The following MYO16 variants were observed in gnomAD, a reference collection of about 807,000 sequenced individuals.
The protein encoded by MYO16 is myosin XVI, also known as unconventional myosin-XVI.
MYO16 carries 94 observed loss-of-function variants against 205.3 expected under a neutral mutation model. That is an observed-to-expected ratio of 0.46 (90% CI 0.39 to 0.54). The LOEUF is 0.54. MYO16 is among the 20% of genes least tolerant of loss of function. MYO16 has a pLI of 0.00. For missense variants in MYO16, 2,315 were observed against 2,387.5 expected (o/e 0.97, Z 0.63); for synonymous variants, 988 against 954.0 (o/e 1.04, Z -0.66).
At chr13:108,594,495 T>C (rs1157946143), upstream of MYO16, among the ~76,000 whole-genome samples, 1 of 152,218 alleles carries the variant, frequency 6.6e-6, no homozygotes, top group East Asian at 1.9e-4. Flanking sequence ...CAGCTGGTTA[T>C]TCTAGCTCTT....
Position 108,700,348 on chromosome 13 carries a change from A to AAAAG in MYO16, c.293-12311_293-12310insAGAA, listed in dbSNP as rs1555339811. On this transcript the variant is annotated intron_variant, in intron 2 of 34. Coordinates refer to ENST00000457511, the MANE Select transcript of MYO16 (RefSeq NM_001198950.3). The stretch of plus-strand genomic sequence containing the variant: ...ACTCTGTCTCAAAAAAAAAAAAAAA[A>AAAAG]AAGAAGAAGAAGAAGAAGAAGAAGG... Among the ~76,000 whole-genome samples the AAAAG allele has an allele frequency of 2.5e-4, 32 of 129,562 alleles. No individual in the cohort carries two copies. In the East Asian group the frequency reaches 4.2e-3, roughly 17 times the overall value. The allele number at this position is 129,562 out of a possible 152,430, so 85.0% of individuals were successfully genotyped here. A position where few individuals can be genotyped will look rare whatever the true frequency, so the allele number is the denominator to read the frequency against.
intron 1 of MYO16, among the ~76,000 whole-genome samples, chr13:108,650,605 A>G (rs942672301): frequency 6.6e-6 from 1 of 152,212 alleles, no homozygotes; most frequent in Non-Finnish European, 1.5e-5. Flanking sequence ...TAGAGCATCT[A>G]AATTTATTTT....
At position 108,629,807 on chromosome 13, in the gene MYO16, C is replaced by A; in HGVS notation, c.-38C>A. On this transcript the variant is annotated 5_prime_UTR_variant, in exon 1 of 35. The change creates a new upstream start codon in the 5' untranslated region. Coordinates refer to ENST00000457511, the MANE Select transcript of MYO16 (RefSeq NM_001198950.3). ...ACGACAGTTGTGACAGAAGAGAATGCTGGAACCCGTAGCAAGATTCCTGTC... is the reference window on the plus strand; with the variant it reads ...ACGACAGTTGTGACAGAAGAGAATGATGGAACCCGTAGCAAGATTCCTGTC... 6.6e-7 allele frequency: 1 copy of A among 1,520,168 alleles called. No homozygotes were observed. 94.2% of individuals were successfully genotyped at this position (1,520,168 alleles called of 1,614,324 possible).
intron 16 of MYO16, among the ~76,000 whole-genome samples, chr13:108,943,409 T>G (rs1046453162): frequency 6.6e-6 from 1 of 152,216 alleles, no homozygotes; most frequent in Admixed American, 6.5e-5. Flanking sequence ...AAGGGTGATA[T>G]CATCAACATT....
rs553956257 is a variant in MYO16, at chr13:108,909,292, A to G, written c.1778-711A>G. Among the ~76,000 whole-genome samples the G allele has an allele frequency of 1.6e-4, 23 of 145,090 alleles. 1 individual carries two copies. The South Asian group carries it at 5.2e-3, about 33-fold the overall frequency. Reference sequence around the variant, plus strand: ...TGGGTTATATTTTATTTTATTTTGTAAAGTTTTGAAAACAGAGGACTAAAT... The same window carrying G: ...TGGGTTATATTTTATTTTATTTTGTGAAGTTTTGAAAACAGAGGACTAAAT... On this transcript the variant is annotated intron_variant, in intron 15 of 34. Transcript: ENST00000457511.
chr13:108,621,481 A>G (rs1879539338), intron 1 of MYO16, among the ~76,000 whole-genome samples: 1 of 152,210 alleles, frequency 6.6e-6, no homozygotes, highest in African/African-American at 2.4e-5. Context: ...TGTTCCATGC[A>G]TGGAGTAACA....
chr13:109,044,533 TACTC>T (rs1431548107), intron 23 of MYO16, among the ~76,000 whole-genome samples: 1 of 152,220 alleles, frequency 6.6e-6, no homozygotes, highest in Non-Finnish European at 1.5e-5. Context: ...GAATCACTGA[TACTC>T]ACAGAATTTG....
intron 16 of MYO16, among the ~76,000 whole-genome samples, chr13:108,938,721 A>G (rs1010625122): frequency 6.6e-6 from 1 of 152,374 alleles, no homozygotes; most frequent in African/African-American, 2.4e-5. Flanking sequence ...CAGCCTAGGC[A>G]TGGAGCAGAG....
intron 27 of MYO16, among the ~76,000 whole-genome samples, chr13:109,063,326 C>T (rs148823778): frequency 0.014 from 2,173 of 152,100 alleles, 47 homozygotes; most frequent in African/African-American, 0.049. Flanking sequence ...AGCTTCAGAG[C>T]GGGATTATAA....
intron 2 of MYO16, among the ~76,000 whole-genome samples, chr13:108,710,444 G>C (rs934960087): frequency 2.0e-5 from 3 of 152,168 alleles, no homozygotes. Context: ...TAACCAGAAA[G>C]TTTGGAAAAC....
At chr13:108,599,925 G>T (rs898316221) in intron 1 of MYO16, among the ~76,000 whole-genome samples, 2 of 152,152 alleles carry the variant, frequency 1.3e-5, no homozygotes, top group African/African-American at 4.8e-5. Context: ...GAGCATAGCA[G>T]ATTTTATGTA....
At chr13:108,607,269 G>T (rs1388340952) in intron 1 of MYO16, among the ~76,000 whole-genome samples, 1 of 152,068 alleles carries the variant, frequency 6.6e-6, no homozygotes, top group East Asian at 1.9e-4. Context: ...TATGAGATTT[G>T]GGAGGAGCCA....
intron 28 of MYO16, among the ~76,000 whole-genome samples, chr13:109,111,813 A>T (rs1339944367): frequency 6.6e-6 from 1 of 151,952 alleles, no homozygotes; most frequent in East Asian, 1.9e-4. Context: ...CAGCCTCCCA[A>T]GTAGCTGGGA....
At chr13:108,990,427 T>A (rs1225945246) in intron 20 of MYO16, among the ~76,000 whole-genome samples, 1 of 152,224 alleles carries the variant, frequency 6.6e-6, no homozygotes, top group South Asian at 2.1e-4. Flanking sequence ...GTTTTATTTA[T>A]ATTACTTATC....
At chr13:108,752,884 C>A (rs1233911040) in intron 4 of MYO16, among the ~76,000 whole-genome samples, 3 of 133,234 alleles carry the variant, frequency 2.3e-5, no homozygotes, top group African/African-American at 8.2e-5. Context: ...TCAGGCTGGT[C>A]TCGAACTCCT....
intron 3 of MYO16, among the ~76,000 whole-genome samples, chr13:108,725,502 T>G (rs1762234520): frequency 6.6e-6 from 1 of 152,196 alleles, no homozygotes; most frequent in Admixed American, 6.5e-5. Context: ...GAACAGCATT[T>G]AGTTTAGGAC....
the MYO16 span, among the ~76,000 whole-genome samples, chr13:108,496,803 A>T: frequency 6.6e-6 from 1 of 152,174 alleles, no homozygotes; most frequent in Non-Finnish European, 1.5e-5. Context: ...CAGAAGAATT[A>T]TTAGCCATTG....
chr13:108,534,645 G>A, the MYO16 span, among the ~76,000 whole-genome samples: 1 of 151,818 alleles, frequency 6.6e-6, no homozygotes, highest in Non-Finnish European at 1.5e-5. Context: ...CCTCAAAGAG[G>A]AATCTCTGCT....
rs760702774 is a variant in MYO16 at position 108,823,176 on chromosome 13, C to A, written c.995C>A (p.Ala332Asp). Residue 332 changes from alanine to aspartate, a missense_variant, in exon 9 of 35, where the codon GCC becomes GAC. Ala to Asp is a moderately radical substitution (Grantham distance 126). Coordinates refer to ENST00000457511, the MANE Select transcript of MYO16 (RefSeq NM_001198950.3). Reference protein sequence around the residue: ...IEEMLLKAEIAWEEKMKEPLS... With the variant: ...IEEMLLKAEIDWEEKMKEPLS... ...GAAATGCTGCTGAAAGCCGAAATTG[C>A]CTGGGAAGAAAAAATGAAAGAGCCT... The A allele has an allele frequency of 6.2e-7, 1 of 1,612,632 alleles. No individual in the cohort carries two copies. Among genetic ancestry groups the A allele is most frequent in the African/African-American group, 1.3e-5 (1 of 74,950 alleles).
Sources: gnomAD v4.1 joint callset for allele counts (sites outside exome capture counted in the v4.1 genomes callset) on GRCh38, gnomAD v4.1.1 for gene constraint, MANE v1.5 for transcripts, NCBI Gene and HGNC (gene_info 2026-07-23, HGNC 2026-07-21) for gene names.